The following VPS37B variants were observed in gnomAD, a reference collection of about 807,000 sequenced individuals.
VPS37B encodes vacuolar protein sorting-associated protein 37B.
In VPS37B, 11 loss-of-function variants were observed where a neutral mutation model predicts 21.2. The observed-to-expected ratio is 0.52, with a 90% CI of 0.33 to 0.86. VPS37B has a LOEUF of 0.86. VPS37B is among the 40% of genes least tolerant of loss of function. The pLI is 0.03. For synonymous variants in VPS37B, 175 were observed against 159.6 expected (o/e 1.10, Z -0.73); for missense variants, 389 against 374.8 (o/e 1.04, Z -0.31).
In VPS37B at chr12:122,868,285, ACCCCGCTGCT is replaced by A. The variant is rs1251041949; in HGVS notation, c.366+185_366+194del. ...CCCTCGCTCGGACCTGCCCTCACTC[ACCCCGCTGCT>A]CCCTGGACCCCTGCCTGGCACTTTC... On this transcript the variant is annotated intron_variant, in intron 3 of 3. Coordinates refer to ENST00000267202, the MANE Select transcript of VPS37B (RefSeq NM_024667.3). This position sits in a 1 kb window ranked among gnomAD's most constrained non-coding sequence, Gnocchi z 5.5. 3.3e-5 allele frequency among the ~76,000 whole-genome samples: 5 copies of A among 150,522 alleles called. No homozygotes were observed. Among genetic ancestry groups the A allele is most frequent in the Non-Finnish European group, 5.9e-5 (4 of 67,608 alleles).
rs755954968 is a variant in VPS37B at position 122,868,979 on chromosome 12, C to T, written c.284-417G>A. ...ACGCCCACTGCACCCGCCAGATAAC[C>T]CCTACGCTGGCCTCCACCACCACAG... On this transcript the variant is annotated intron_variant, in intron 2 of 3. Transcript: ENST00000267202. The surrounding 1 kb of genome is among the most constrained non-coding windows in gnomAD (Gnocchi z 5.5). Among the ~76,000 whole-genome samples, 1 of 152,198 alleles carries T rather than the reference C, an allele frequency of 6.6e-6. No individual in the cohort carries two copies. The highest frequency in any genetic ancestry group is 1.5e-5 in the Non-Finnish European group (1 of 68,048).
intron 1 of VPS37B, among the ~76,000 whole-genome samples, chr12:122,895,383 A>G (rs2034476521): frequency 6.9e-6 from 1 of 143,946 alleles, no homozygotes; most frequent in Non-Finnish European, 1.5e-5. Context: ...GTTGTCCCCA[A>G]CCTTTCCTCT....
At chr12:122,894,414 G>A (rs148029806) in intron 1 of VPS37B, among the ~76,000 whole-genome samples, 4 of 152,308 alleles carry the variant, frequency 2.6e-5, no homozygotes, top group Non-Finnish European at 4.4e-5. Flanking sequence ...CTGTAGCTCC[G>A]GACAATGATC....
chr12:122,867,158 C>T lies in VPS37B; in HGVS notation c.816G>A (p.Pro272=), dbSNP rs201582016. Residue 272 remains proline (P), a synonymous_variant, in exon 4 of 4, where the codon CCG becomes CCA. Transcript: ENST00000267202. The surrounding 1 kb of genome is among the most constrained non-coding windows in gnomAD (Gnocchi z 5.5). ...PYPPPLPQRP[P]PRLPPHQPGF... ...CCGGCTGGTGTGGAGGGAGCCGGGG[C>T]GGGGGTCTCTGAGGGAGAGGTGGCG... 1.3e-5 allele frequency: 20 copies of T among 1,551,868 alleles called. No homozygotes were observed. In the African/African-American group the frequency reaches 1.4e-4, roughly 11 times the overall value.
Position 122,868,329 on chromosome 12 carries a change from A to G in VPS37B, c.366+151T>C. ...CCCTGCCTGGCACTTTCCCCAGCACACAGGCCAGGCTGCCTGCTGGTATAC... is the reference window on the plus strand; with the variant it reads ...CCCTGCCTGGCACTTTCCCCAGCACGCAGGCCAGGCTGCCTGCTGGTATAC... On this transcript the variant is annotated intron_variant, in intron 3 of 3. Coordinates refer to ENST00000267202, the MANE Select transcript of VPS37B (RefSeq NM_024667.3). This position sits in a 1 kb window ranked among gnomAD's most constrained non-coding sequence, Gnocchi z 5.5. 1 of 708,860 alleles carries G rather than the reference A, an allele frequency of 1.4e-6. No individual in the cohort carries two copies. Among genetic ancestry groups the G allele is most frequent in the South Asian group, 1.8e-5 (1 of 57,030 alleles). 43.9% of individuals were successfully genotyped at this position (708,860 alleles called of 1,614,324 possible).
intron 1 of VPS37B, chr12:122,872,361 C>T: frequency 3.0e-6 from 3 of 985,470 alleles, no homozygotes; most frequent in Non-Finnish European, 3.6e-6. Flanking sequence ...AACAGCTGCA[C>T]CCAGGGCCCT....
chr12:122,871,511 T>TA (rs1163010957), intron 1 of VPS37B: 1 of 987,248 alleles, frequency 1.0e-6, no homozygotes, highest in Admixed American at 6.0e-5. Context: ...TCAGGCTTCA[T>TA]AAGCAGGCTA....
Position 122,867,017 on chromosome 12 carries a change from C to T in VPS37B, c.*99G>A. The stretch of plus-strand genomic sequence containing the variant: ...AGACAGACACGCTGGCCCAGGGCCC[C>T]AGAGCCCTTGGCACAGAGCGGACCT... On this transcript the variant is annotated 3_prime_UTR_variant, in exon 4 of 4. Transcript: ENST00000267202. The surrounding 1 kb of genome is among the most constrained non-coding windows in gnomAD (Gnocchi z 5.5). The T allele has an allele frequency of 7.3e-7, 1 of 1,376,904 alleles. No individual in the cohort carries two copies. The highest frequency in any genetic ancestry group is 2.7e-5 in the East Asian group (1 of 37,538). 85.3% of individuals were successfully genotyped at this position (1,376,904 alleles called of 1,614,324 possible).
chr12:122,877,295 A>G (rs553956024), intron 1 of VPS37B: 1 of 152,362 alleles, frequency 6.6e-6, no homozygotes, highest in African/African-American at 2.4e-5. Flanking sequence ...ATAAAAACAA[A>G]ATATGCCCGC....
In VPS37B at chr12:122,865,779, G is replaced by A. The variant is rs1015960199; in HGVS notation, c.*1337C>T. 2.6e-5 allele frequency: 4 copies of A among 152,306 alleles called. No homozygotes were observed. Among genetic ancestry groups the A allele is most frequent in the African/African-American group, 9.6e-5 (4 of 41,472 alleles). The allele number at this position is 152,306 out of a possible 1,614,324, so 9.4% of individuals were successfully genotyped here. Reference sequence around the variant, plus strand: ...CCTGGATGCCCGACAAGTGACAGGGGAGGGGCGGGCCAGAAGGTCCACTGG... The same window carrying A: ...CCTGGATGCCCGACAAGTGACAGGGAAGGGGCGGGCCAGAAGGTCCACTGG... On this transcript the variant is annotated 3_prime_UTR_variant, in exon 4 of 4. Coordinates refer to ENST00000267202, the MANE Select transcript of VPS37B (RefSeq NM_024667.3).
At chr12:122,885,137 A>G (rs1194766459) in intron 1 of VPS37B, 1 of 152,180 alleles carries the variant, frequency 6.6e-6, no homozygotes, top group Non-Finnish European at 1.5e-5. Context: ...GGGATTAGTC[A>G]AAAGAGAATC....
rs2034485053 is a variant in VPS37B, at chr12:122,895,893, C to G, written c.111+59G>C. 3.9e-6 allele frequency: 6 copies of G among 1,526,162 alleles called. No individual in the cohort carries two copies. In the Admixed American group the frequency reaches 8.4e-5, roughly 21 times the overall value. 94.5% of individuals were successfully genotyped at this position (1,526,162 alleles called of 1,614,324 possible). A position where few individuals can be genotyped will look rare whatever the true frequency, so the allele number is the denominator to read the frequency against. Reference sequence around the variant, plus strand: ...GTCGCCTCCGCCTCCGGCCACCGTTCGAGGAGCGAACCCCGCTCGAGGCCT... The same window carrying G: ...GTCGCCTCCGCCTCCGGCCACCGTTGGAGGAGCGAACCCCGCTCGAGGCCT... On this transcript the variant is annotated intron_variant, in intron 1 of 3. Coordinates refer to ENST00000267202, the MANE Select transcript of VPS37B (RefSeq NM_024667.3).
At chr12:122,874,947 C>CAAAAAAAAAA (rs373294425) in intron 1 of VPS37B, 1 of 103,932 alleles carries the variant, frequency 9.6e-6, no homozygotes, top group Non-Finnish European at 2.0e-5. Flanking sequence ...AACTCCGTCT[C>CAAAAAAAAAA]AAAAAAAAAA....
intron 1 of VPS37B, chr12:122,877,136 CTG>C (rs1174523455): frequency 6.6e-6 from 1 of 152,230 alleles, no homozygotes; most frequent in African/African-American, 2.4e-5. Flanking sequence ...CCCCTTCACA[CTG>C]TAATATAATA....
intron 1 of VPS37B, 103 bp from the exon 2 acceptor site, chr12:122,871,164 T>G (rs2034026148): frequency 6.7e-7 from 1 of 1,487,790 alleles, no homozygotes; most frequent in African/African-American, 1.4e-5. Flanking sequence ...TGCTGCCACC[T>G]CACTGGTCTC....
chr12:122,892,048 G>T (rs1394737221), intron 1 of VPS37B, among the ~76,000 whole-genome samples: 1 of 152,184 alleles, frequency 6.6e-6, no homozygotes, highest in African/African-American at 2.4e-5. Flanking sequence ...AATCCCCTAA[G>T]CGACAGTTCC....
chr12:122,868,360 G>T lies in VPS37B; in HGVS notation c.366+120C>A. 1.1e-6 allele frequency: 1 copy of T among 896,722 alleles called. No homozygotes were observed. The allele number at this position is 896,722 out of a possible 1,614,324, so 55.5% of individuals were successfully genotyped here. ...CAGGCTGCCTGCTGGTATACAGCCC[G>T]TACACCTGGGAGGCACCACTCCTGG... On this transcript the variant is annotated intron_variant, in intron 3 of 3. Coordinates refer to ENST00000267202, the MANE Select transcript of VPS37B (RefSeq NM_024667.3). This position sits in a 1 kb window ranked among gnomAD's most constrained non-coding sequence, Gnocchi z 5.5.
intron 1 of VPS37B, chr12:122,888,671 C>T: frequency 2.2e-6 from 1 of 448,968 alleles, no homozygotes; most frequent in South Asian, 1.6e-5. Context: ...TTCTGGGTTC[C>T]TCTTCCAGCC....
At chr12:122,884,539 G>C (rs1044611866) in intron 1 of VPS37B, 3 of 152,146 alleles carry the variant, frequency 2.0e-5, no homozygotes, top group Non-Finnish European at 4.4e-5. Flanking sequence ...ACAGATCTGG[G>C]AGTGAACACA....
Sources: allele counts gnomAD v4.1 joint callset (sites outside exome capture counted in the v4.1 genomes callset), GRCh38; gene constraint gnomAD v4.1.1; non-coding constraint Gnocchi (gnomAD v3.1); transcripts MANE v1.5; gene names NCBI Gene and HGNC (gene_info 2026-07-23, HGNC 2026-07-21).